Variants in MYDGF observed in about 807,000 individuals in gnomAD.
The protein encoded by MYDGF is myeloid-derived growth factor.
A neutral mutation model predicts 24.2 loss-of-function variants in MYDGF; 29 were observed. The ratio of observed to expected loss-of-function variants is 1.20; its 90% CI spans 0.89 to 1.63. The LOEUF is 1.63. Ranked by LOEUF, MYDGF falls within the 40% of genes most tolerant of loss-of-function variation. The pLI, the probability that MYDGF is intolerant of heterozygous loss-of-function variation, is 0.00. For synonymous variants in MYDGF, 105 were observed against 102.5 expected (o/e 1.02, Z -0.15); for missense variants, 245 against 234.8 (o/e 1.04, Z -0.29).
chr19:4,665,035 G>T, intron 2 of MYDGF, 98 bp from the exon 3 acceptor site: 1 of 1,322,780 alleles, frequency 7.6e-7, no homozygotes, highest in Non-Finnish European at 1.0e-6. Flanking sequence ...CACCTCTTCT[G>T]TACCTCCCGA....
In MYDGF at chr19:4,670,150, G is replaced by A. The variant is rs767680501; in HGVS notation, c.174+11C>T. On this transcript the variant is annotated intron_variant, in intron 1 of 5. Transcript: ENST00000262947. ...CAGCACTCAAATATCCGGGACGGCG[G>A]TGGCACGTACCCCCGGGCCCACGTT... The A allele has an allele frequency of 2.4e-5, 37 of 1,512,650 alleles. No individual in the cohort carries two copies. Among genetic ancestry groups the A allele is most frequent in the Admixed American group, 4.5e-5 (2 of 44,624 alleles). The allele number at this position is 1,512,650 out of a possible 1,614,324, so 93.7% of individuals were successfully genotyped here. A position where few individuals can be genotyped will look rare whatever the true frequency, so the allele number is the denominator to read the frequency against.
chr19:4,660,783 C>T lies in MYDGF; in HGVS notation c.288-33G>A, dbSNP rs73920107. On this transcript the variant is annotated intron_variant, in intron 3 of 5. Transcript: ENST00000262947. ...GGAAGAGGGGGCGAGGGAGTCAGGC[C>T]AGGCCTGCTGGGTCTGGGTCTGTGT... 1,653 of 1,596,526 alleles carry T rather than the reference C, an allele frequency of 1.0e-3. 19 individuals are homozygous for T. The African/African-American group carries it at 0.021, about 20-fold the overall frequency.
intron 1 of MYDGF, among the ~76,000 whole-genome samples, chr19:4,669,785 T>C (rs2088549891): frequency 1.3e-5 from 2 of 151,966 alleles, no homozygotes; most frequent in African/African-American, 4.8e-5. Context: ...AGCGACTGAT[T>C]TCCTTCAGGC....
At chr19:4,663,827 C>T (rs562412145) in intron 3 of MYDGF, among the ~76,000 whole-genome samples, 12 of 145,636 alleles carry the variant, frequency 8.2e-5, no homozygotes, top group African/African-American at 3.1e-4. Context: ...CTCCACCCAC[C>T]CCATCCTCAT....
At chr19:4,661,927 G>A (rs2088474142) in intron 3 of MYDGF, among the ~76,000 whole-genome samples, 1 of 152,146 alleles carries the variant, frequency 6.6e-6, no homozygotes, top group Non-Finnish European at 1.5e-5. Context: ...CCTCTGGGGA[G>A]CTGGCACTCA....
chr19:4,659,781 T>C, intron 5 of MYDGF, 150 bp downstream of exon 5: 1 of 700,478 alleles, frequency 1.4e-6, no homozygotes, highest in Non-Finnish European at 2.5e-6. Flanking sequence ...CTGAAGATAT[T>C]GACGAGGTGG....
At chr19:4,667,277 C>T (rs144119341) in intron 2 of MYDGF, among the ~76,000 whole-genome samples, 9,217 of 151,984 alleles carry the variant, frequency 0.061, 447 homozygotes, top group East Asian at 0.14. Flanking sequence ...TACAGGTGCC[C>T]ACCAAAACAC....
chr19:4,660,076 T>C, intron 4 of MYDGF, 73 bp from the exon 5 acceptor site: 2 of 1,424,014 alleles, frequency 1.4e-6, no homozygotes, highest in Non-Finnish European at 2.0e-6. Context: ...TTGAGTTTGC[T>C]TTCCAGAGAA....
chr19:4,666,066 C>T (rs1268530217), intron 2 of MYDGF, among the ~76,000 whole-genome samples: 1 of 151,530 alleles, frequency 6.6e-6, no homozygotes, highest in Non-Finnish European at 1.5e-5. Context: ...GCCTGTAATC[C>T]CAGCACTTTG....
chr19:4,667,514 C>T (rs1055256305), intron 2 of MYDGF, among the ~76,000 whole-genome samples: 4 of 152,100 alleles, frequency 2.6e-5, no homozygotes, highest in Admixed American at 6.6e-5. Context: ...TCAGGTGATT[C>T]GCCAGCCTTG....
intron 3 of MYDGF, among the ~76,000 whole-genome samples, chr19:4,664,412 C>A (rs2088504241): frequency 6.6e-6 from 1 of 151,764 alleles, no homozygotes; most frequent in Non-Finnish European, 1.5e-5. Context: ...ATCGCTTGAA[C>A]CCAGGAGGCG....
At chr19:4,660,449 A>G (rs1432341860) in intron 4 of MYDGF, 2 of 571,068 alleles carry the variant, frequency 3.5e-6, no homozygotes, top group Non-Finnish European at 6.2e-6. Flanking sequence ...TTTCTGGCAT[A>G]TACAAGAGAA....
At chr19:4,661,169 G>A (rs938788859) in intron 3 of MYDGF, among the ~76,000 whole-genome samples, 8 of 152,026 alleles carry the variant, frequency 5.3e-5, no homozygotes, top group African/African-American at 1.9e-4. Context: ...GTTTCACCAT[G>A]TTGGCCAGCC....
rs2270090 is a variant in MYDGF, at chr19:4,670,301, C to G, written c.34G>C (p.Gly12Arg). Residue 12 changes from glycine (G) to arginine (R), a missense_variant, in exon 1 of 6, where the codon GGC becomes CGC. Transcript: ENST00000262947. ...AAPSGGWNGV[G>R]ASLWAALLLG... ...AGCAGCGCGGCCCACAAGCTCGCGC[C>G]GACGCCGTTCCACCCTCCGCTGGGC... 186,278 of 1,497,804 alleles carry G rather than the reference C, an allele frequency of 0.12. 20,420 individuals are homozygous for G. Among genetic ancestry groups the G allele is most frequent in the African/African-American group, 0.58 (40,352 of 68,990 alleles). The allele number at this position is 1,497,804 out of a possible 1,614,324, so 92.8% of individuals were successfully genotyped here.
intron 5 of MYDGF, among the ~76,000 whole-genome samples, chr19:4,658,700 T>C (rs1321453373): frequency 6.6e-6 from 1 of 152,220 alleles, no homozygotes; most frequent in Non-Finnish European, 1.5e-5. Flanking sequence ...AGGACCCTGA[T>C]GTTTCCCAGT....
chr19:4,663,513 C>T (rs61436584), intron 3 of MYDGF, among the ~76,000 whole-genome samples: 2 of 121,264 alleles, frequency 1.6e-5, no homozygotes, highest in Non-Finnish European at 3.5e-5. Flanking sequence ...ACTCTCCACC[C>T]ACCCCATCCT....
intron 3 of MYDGF, among the ~76,000 whole-genome samples, chr19:4,661,408 GGGGGCT>G (rs1440813031): frequency 3.9e-5 from 6 of 152,166 alleles, no homozygotes; most frequent in Non-Finnish European, 7.3e-5. Flanking sequence ...GTACTACGAC[GGGGGCT>G]GGGGCTGGGC....
intron 2 of MYDGF, among the ~76,000 whole-genome samples, chr19:4,667,160 G>A (rs1439067596): frequency 4.9e-5 from 6 of 122,432 alleles, no homozygotes; most frequent in African/African-American, 2.0e-4. Context: ...ACAGAGTCTC[G>A]CTCTGTCGCC....
chr19:4,665,034 T>C, intron 2 of MYDGF, 97 bp from the exon 3 acceptor site: 4 of 1,328,428 alleles, frequency 3.0e-6, no homozygotes, highest in East Asian at 2.6e-5. Context: ...CCACCTCTTC[T>C]GTACCTCCCG....
Sources: allele counts gnomAD v4.1 joint callset (sites outside exome capture counted in the v4.1 genomes callset), GRCh38; gene constraint gnomAD v4.1.1; transcripts MANE v1.5; gene names NCBI Gene and HGNC (gene_info 2026-07-23, HGNC 2026-07-21).